CENPU: variants seen among roughly 807,000 people sequenced by gnomAD.
CENPU encodes KSHV latent nuclear antigen interacting protein 1.
In CENPU, 46 loss-of-function variants were observed where a neutral mutation model predicts 56.7. The ratio of observed to expected loss-of-function variants is 0.81; its 90% CI spans 0.64 to 1.04. The LOEUF is 1.04. Ranked by LOEUF, CENPU falls within the 50% of genes least tolerant of loss-of-function variation. The pLI, the probability that CENPU is intolerant of heterozygous loss-of-function variation, is 0.00. For synonymous variants in CENPU, 166 were observed against 163.0 expected (o/e 1.02, Z -0.14); for missense variants, 510 against 490.1 (o/e 1.04, Z -0.38).
At chr4:184,731,904 T>TGTGTGC (rs1561149874) in intron 1 of CENPU, among the ~76,000 whole-genome samples, 1 of 151,880 alleles carries the variant, frequency 6.6e-6, no homozygotes, top group African/African-American at 2.4e-5. Context: ...TGTGTGTGTG[T>TGTGTGC]GTGTGTCTGG....
At chr4:184,733,414 G>T (rs759018708) in intron 1 of CENPU, 112 of 993,442 alleles carry the variant, frequency 1.1e-4, no homozygotes, top group Non-Finnish European at 1.2e-4. Context: ...GCCAGATCCA[G>T]GCCGGGCCTT....
chr4:184,703,097 T>C (rs1268912960), intron 8 of CENPU, among the ~76,000 whole-genome samples: 2 of 152,208 alleles, frequency 1.3e-5, no homozygotes, highest in Non-Finnish European at 2.9e-5. Context: ...CGGAAACATG[T>C]ATCAGCAAAA....
In CENPU at chr4:184,695,361, C is replaced by G. The variant is rs1760238367; in HGVS notation, c.1184G>C (p.Arg395Thr). ...ATGGCTTTCGGCTCCCAGAAGTGTTCTTGCTTTAAATAACAGAGCTGGAAG... is the reference window on the plus strand; with the variant it reads ...ATGGCTTTCGGCTCCCAGAAGTGTTGTTGCTTTAAATAACAGAGCTGGAAG... Reference protein sequence around the residue: ...SSLPALLFKARTLLGAESHLR... With the variant: ...SSLPALLFKATTLLGAESHLR... The change falls in exon 13 of 13, where the codon AGA (arginine) becomes ACA (threonine). Residue 395 changes from arginine (R) to threonine (T), a missense_variant. Arg to Thr is a moderately conservative substitution (Grantham distance 71). Coordinates refer to ENST00000281453, the MANE Select transcript of CENPU (RefSeq NM_024629.4). The G allele has an allele frequency of 1.2e-6, 2 of 1,613,298 alleles. No homozygotes were observed. The highest frequency in any genetic ancestry group is 1.3e-5 in the African/African-American group (1 of 74,922).
intron 1 of CENPU, among the ~76,000 whole-genome samples, chr4:184,733,584 G>A (rs1388458822): frequency 1.3e-5 from 2 of 152,302 alleles, no homozygotes; most frequent in East Asian, 1.9e-4. Flanking sequence ...TCCAGTTTAC[G>A]GTCTGTGGTT....
chr4:184,694,992 T>G lies in CENPU; in HGVS notation c.*296A>C. 1 of 549,916 alleles carries G rather than the reference T, an allele frequency of 1.8e-6. No homozygotes were observed. The highest frequency in any genetic ancestry group is 3.2e-6 in the Non-Finnish European group (1 of 312,014). 34.1% of individuals were successfully genotyped at this position (549,916 alleles called of 1,614,324 possible). ...CCTTATTAATTAATCAAAATTATGT[T>G]CACATCAACTTAATTTTACAAGTTT... is the stretch of plus-strand genomic sequence containing the variant. On this transcript the variant is annotated 3_prime_UTR_variant, in exon 13 of 13. Transcript: ENST00000281453.
At position 184,711,094 on chromosome 4, in the gene CENPU, C is replaced by CCT. The variant is rs201713477; in HGVS notation, c.689-915_689-914insAG. On this transcript the variant is annotated intron_variant, in intron 7 of 12. Coordinates refer to ENST00000281453, the MANE Select transcript of CENPU (RefSeq NM_024629.4). ...CTGGTCTTGAACTCCTGGGCTCAAG[C>CCT]AATCTCTCACCTCAGCCTCCCAAAG... is the stretch of plus-strand genomic sequence containing the variant. Among the ~76,000 whole-genome samples the CCT allele has an allele frequency of 2.6e-5, 4 of 152,134 alleles. No homozygotes were observed. In the South Asian group the frequency reaches 8.3e-4, roughly 32 times the overall value.
At chr4:184,726,163 T>A (rs559235867) in intron 3 of CENPU, among the ~76,000 whole-genome samples, 199 of 152,338 alleles carry the variant, frequency 1.3e-3, no homozygotes, top group Non-Finnish European at 2.3e-3. Context: ...CAAAGGGATT[T>A]ATTTACTCTA....
chr4:184,702,472 C>T (rs1320540551), intron 8 of CENPU, 31 bp from the exon 9 acceptor site: 1 of 1,518,672 alleles, frequency 6.6e-7, no homozygotes, highest in Non-Finnish European at 9.0e-7. Context: ...AGTCTAAGTA[C>T]CATGATGGAT....
In CENPU at chr4:184,694,831, G is replaced by C; in HGVS notation, c.*457C>G. On this transcript the variant is annotated 3_prime_UTR_variant, in exon 13 of 13. Transcript: ENST00000281453. ...CCAGGCTATAATTTGCCTGATGTCTGTGAGATTTGATAAATATATCATTCA... is the reference window on the plus strand; with the variant it reads ...CCAGGCTATAATTTGCCTGATGTCTCTGAGATTTGATAAATATATCATTCA... 6.9e-7 allele frequency: 1 copy of C among 1,443,274 alleles called. No individual in the cohort carries two copies. Among genetic ancestry groups the C allele is most frequent in the Non-Finnish European group, 9.6e-7 (1 of 1,041,060 alleles). The allele number at this position is 1,443,274 out of a possible 1,614,324, so 89.4% of individuals were successfully genotyped here.
intron 12 of CENPU, among the ~76,000 whole-genome samples, chr4:184,696,079 T>A (rs1228794235): frequency 6.6e-6 from 1 of 152,230 alleles, no homozygotes; most frequent in African/African-American, 2.4e-5. Flanking sequence ...AAATTCCTCT[T>A]ACAGAATTTT....
chr4:184,700,315 C>T (rs1464209966), intron 11 of CENPU, among the ~76,000 whole-genome samples: 1 of 152,200 alleles, frequency 6.6e-6, no homozygotes, highest in Admixed American at 6.5e-5. Flanking sequence ...ATTGTCAACA[C>T]TTACACAGCA....
chr4:184,710,555 A>G (rs1180667585), intron 7 of CENPU: 2 of 159,600 alleles, frequency 1.3e-5, no homozygotes, highest in African/African-American at 2.4e-5. Context: ...CACTTGTAGG[A>G]TACAGCAAGA....
At chr4:184,731,510 A>G (rs1047895817) in intron 1 of CENPU, among the ~76,000 whole-genome samples, 2 of 152,222 alleles carry the variant, frequency 1.3e-5, no homozygotes, top group African/African-American at 2.4e-5. Context: ...AGTTGTATAT[A>G]TATCTTCAAC....
Position 184,694,848 on chromosome 4 carries a change from T to TATC in CENPU, c.*437_*439dup. On this transcript the variant is annotated 3_prime_UTR_variant, in exon 13 of 13. Transcript: ENST00000281453. ...TGATGTCTGTGAGATTTGATAAATA[T>TATC]ATCATTCAACCTGTTTATATAAACT... 1.5e-6 allele frequency: 2 copies of TATC among 1,337,694 alleles called. No homozygotes were observed. Among genetic ancestry groups the TATC allele is most frequent in the South Asian group, 2.6e-5 (2 of 75,634 alleles). 82.9% of individuals were successfully genotyped at this position (1,337,694 alleles called of 1,614,324 possible). A position where few individuals can be genotyped will look rare whatever the true frequency, so the allele number is the denominator to read the frequency against.
chr4:184,698,968 C>G (rs1026811131), intron 11 of CENPU, among the ~76,000 whole-genome samples: 1 of 152,086 alleles, frequency 6.6e-6, no homozygotes, highest in Non-Finnish European at 1.5e-5. Flanking sequence ...TTTTATTATG[C>G]CTTTTCAAAA....
chr4:184,723,423 T>C (rs1430348469), intron 4 of CENPU, among the ~76,000 whole-genome samples: 1 of 152,236 alleles, frequency 6.6e-6, no homozygotes, highest in African/African-American at 2.4e-5. Context: ...TACACCTTTT[T>C]ATATTTTTAA....
rs1175567666 is a variant in CENPU, at chr4:184,694,520, A to G, written c.*768T>C. The G allele has an allele frequency of 1.2e-6, 2 of 1,607,414 alleles. No individual in the cohort carries two copies. The highest frequency in any genetic ancestry group is 1.7e-6 in the Non-Finnish European group (2 of 1,176,100). On this transcript the variant is annotated 3_prime_UTR_variant, in exon 13 of 13. Coordinates refer to ENST00000281453, the MANE Select transcript of CENPU (RefSeq NM_024629.4). The stretch of plus-strand genomic sequence containing the variant: ...CTCTATCCCTTCACCACTGAAATAA[A>G]GGAAGAAGAGTTTACAACAGATGAA...
At position 184,695,322 on chromosome 4, in the gene CENPU, T is replaced by C. The variant is rs1358402143; in HGVS notation, c.1223A>G (p.Asn408Ser). The C allele has an allele frequency of 4.3e-6, 7 of 1,613,518 alleles. No homozygotes were observed. Among genetic ancestry groups the C allele is most frequent in the Non-Finnish European group, 5.9e-6 (7 of 1,179,468 alleles). Residue 408 changes from asparagine (N) to serine (S), a missense_variant, in exon 13 of 13, where the codon AAC becomes AGC. Transcript: ENST00000281453. ...GTCAAGGAGCTTCTCTAACTGATGGTTGATATTTCGCAGATGGCTTTCGGC... is the reference window on the plus strand; with the variant it reads ...GTCAAGGAGCTTCTCTAACTGATGGCTGATATTTCGCAGATGGCTTTCGGC... Reference protein sequence around the residue: ...LGAESHLRNINHQLEKLLDQG With the variant: ...LGAESHLRNISHQLEKLLDQG
chr4:184,731,509 T>C (rs1454705823), intron 1 of CENPU, among the ~76,000 whole-genome samples: 1 of 152,176 alleles, frequency 6.6e-6, no homozygotes, highest in Non-Finnish European at 1.5e-5. Context: ...AAGTTGTATA[T>C]ATATCTTCAA....
Sources: allele counts gnomAD v4.1 joint callset (sites outside exome capture counted in the v4.1 genomes callset), GRCh38; gene constraint gnomAD v4.1.1; transcripts MANE v1.5; gene names NCBI Gene and HGNC (gene_info 2026-07-23, HGNC 2026-07-21).